Variants in THTPA observed in about 807,000 individuals in gnomAD.
THTPA encodes the protein thiamine triphosphatase.
Under a neutral mutation model 16.5 loss-of-function variants are expected in THTPA, and 16 were observed. That is an observed-to-expected ratio of 0.97 (90% CI 0.66 to 1.47). The LOEUF is 1.47. THTPA is among the 40% of genes most tolerant of loss of function. THTPA has a pLI of 0.00. For missense variants in THTPA, 281 were observed against 280.9 expected (o/e 1.00, Z 0.00); for synonymous variants, 110 against 115.5 (o/e 0.95, Z 0.30).
chr14:23,539,391 G>A, the THTPA span, among the ~76,000 whole-genome samples: 1 of 152,148 alleles, frequency 6.6e-6, no homozygotes, highest in African/African-American at 2.4e-5. Context: ...GAGGTGGGAA[G>A]ATACACATTA....
chr14:23,556,945 A>G lies in THTPA; in HGVS notation c.188A>G (p.Glu63Gly), dbSNP rs78526433. 1.9e-6 allele frequency: 3 copies of G among 1,613,966 alleles called. No individual in the cohort carries two copies. The change falls in exon 1 of 2, where the codon GAG becomes GGG. Residue 63 changes from glutamate to glycine, a missense_variant. By Grantham distance (98) the Glu-to-Gly change is moderately conservative (BLOSUM62 -2). Coordinates refer to ENST00000288014, the MANE Select transcript of THTPA (RefSeq NM_024328.6). ...CGACGACGAGAGGATAGTGGATGGG[A>G]GCTCAAATGTCCTGGAGCAGCAGGT... ...WLRRREDSGWELKCPGAAGVL... is the reference protein window; with the variant it reads ...WLRRREDSGWGLKCPGAAGVL...
chr14:23,557,529 C>T (rs955237777), intron 1 of THTPA, among the ~76,000 whole-genome samples: 3 of 152,152 alleles, frequency 2.0e-5, no homozygotes, highest in African/African-American at 7.2e-5. Context: ...AGCCTCTGTG[C>T]CTGGCCTGGA....
chr14:23,557,703 C>T (rs563539035), intron 1 of THTPA, among the ~76,000 whole-genome samples: 1 of 152,292 alleles, frequency 6.6e-6, no homozygotes, highest in Admixed American at 6.5e-5. Context: ...GCCAGATCTC[C>T]TTCAGTTTCA....
the THTPA span, among the ~76,000 whole-genome samples, chr14:23,544,870 C>G: frequency 2.0e-5 from 3 of 152,018 alleles, no homozygotes; most frequent in African/African-American, 7.2e-5. Flanking sequence ...CTTCTCCCAC[C>G]TTTTTTTTCT....
chr14:23,522,191 C>G, the THTPA span: 1 of 1,490,168 alleles, frequency 6.7e-7, no homozygotes, highest in Non-Finnish European at 8.9e-7. Context: ...ACATGCCAGG[C>G]AGTGGTAGGT....
chr14:23,535,893 A>G, the THTPA span, among the ~76,000 whole-genome samples: 1 of 152,154 alleles, frequency 6.6e-6, no homozygotes, highest in Admixed American at 6.6e-5. This position sits in a 1 kb window ranked among gnomAD's most constrained non-coding sequence, Gnocchi z 4.5. Flanking sequence ...CGCCCAGCCT[A>G]GAACTCTTTA....
the THTPA span, chr14:23,531,033 A>C: frequency 6.4e-6 from 1 of 156,866 alleles, no homozygotes; most frequent in African/African-American, 2.4e-5. Context: ...GGAGACAGGA[A>C]GAGGCTGGGA....
the THTPA span, chr14:23,514,547 A>G: frequency 6.6e-6 from 1 of 152,088 alleles, no homozygotes; most frequent in Non-Finnish European, 1.5e-5. Context: ...GAGGTGTCTG[A>G]TTTTCTTCTT....
chr14:23,532,982 G>T, the THTPA span: 1 of 1,536,182 alleles, frequency 6.5e-7, no homozygotes, highest in Non-Finnish European at 8.7e-7. Context: ...CACCTTCAGG[G>T]ACAGGCTGTC....
the THTPA span, chr14:23,526,118 C>G: frequency 6.5e-7 from 1 of 1,536,434 alleles, no homozygotes; most frequent in Non-Finnish European, 8.7e-7. Flanking sequence ...TCCCCGAGAG[C>G]GAGTCTGATG....
the THTPA span, chr14:23,523,917 C>G: frequency 6.5e-7 from 1 of 1,536,202 alleles, no homozygotes; most frequent in South Asian, 1.2e-5. The surrounding 1 kb of genome is among the most constrained non-coding windows in gnomAD (Gnocchi z 4.1). Flanking sequence ...TCCTCTGGGC[C>G]CTCTTCCTCA....
the THTPA span, chr14:23,523,719 G>A: frequency 6.5e-7 from 1 of 1,536,458 alleles, no homozygotes; most frequent in Non-Finnish European, 8.7e-7. This position sits in a 1 kb window ranked among gnomAD's most constrained non-coding sequence, Gnocchi z 4.1. Context: ...TTCAGCTGCA[G>A]GCTGCTCATC....
At chr14:23,516,855 G>T in the THTPA span, among the ~76,000 whole-genome samples, 5 of 152,186 alleles carry the variant, frequency 3.3e-5, no homozygotes, top group South Asian at 2.1e-4. Flanking sequence ...CTTAGTGCAG[G>T]GTTTGGTATC....
chr14:23,536,286 G>A, the THTPA span, among the ~76,000 whole-genome samples: 3 of 152,228 alleles, frequency 2.0e-5, no homozygotes, highest in East Asian at 3.8e-4. Context: ...GCCACAGTCA[G>A]TGTCTTTTGA....
At chr14:23,545,763 G>A in the THTPA span, among the ~76,000 whole-genome samples, 3 of 152,184 alleles carry the variant, frequency 2.0e-5, no homozygotes, top group Admixed American at 2.0e-4. Context: ...CTGTGATGGA[G>A]GCAAGAGAAG....
chr14:23,552,937 T>C (rs1473035119), upstream of THTPA, among the ~76,000 whole-genome samples: 1 of 152,174 alleles, frequency 6.6e-6, no homozygotes, highest in Non-Finnish European at 1.5e-5. Flanking sequence ...TAAGATTTCT[T>C]GAATGCACAG....
chr14:23,531,781 C>T, the THTPA span: 2 of 1,078,956 alleles, frequency 1.9e-6, no homozygotes, highest in Non-Finnish European at 1.2e-6. Context: ...CCTCAGGGGA[C>T]TTTTTTTTTT....
chr14:23,558,005 T>C (rs1882685514), intron 1 of THTPA, among the ~76,000 whole-genome samples: 1 of 152,136 alleles, frequency 6.6e-6, no homozygotes, highest in Non-Finnish European at 1.5e-5. Context: ...GGGGCATGAT[T>C]TGGCAGATTT....
At position 23,559,071 on chromosome 14, in the gene THTPA, G is replaced by A; in HGVS notation, c.*231G>A. 2 of 546,484 alleles carry A rather than the reference G, an allele frequency of 3.7e-6. No homozygotes were observed. The highest frequency in any genetic ancestry group is 6.5e-6 in the Non-Finnish European group (2 of 307,892). The allele number at this position is 546,484 out of a possible 1,614,324, so 33.9% of individuals were successfully genotyped here. A position where few individuals can be genotyped will look rare whatever the true frequency, so the allele number is the denominator to read the frequency against. ...GCCGCCCCTCTCCCCTGGCCGCTAA[G>A]CAGCCTCCATTGATTTCCGCTCGTG... On this transcript the variant is annotated 3_prime_UTR_variant, in exon 2 of 2. Coordinates refer to ENST00000288014, the MANE Select transcript of THTPA (RefSeq NM_024328.6).
Sources: allele counts gnomAD v4.1 joint callset (sites outside exome capture counted in the v4.1 genomes callset), GRCh38; gene constraint gnomAD v4.1.1; non-coding constraint Gnocchi (gnomAD v3.1); transcripts MANE v1.5; gene names NCBI Gene and HGNC (gene_info 2026-07-23, HGNC 2026-07-21).